Variants in ASTN2 observed in about 807,000 individuals in gnomAD.
ASTN2 encodes the protein astrotactin 2, also known as astrotactin-2.
ASTN2 carries 54 observed loss-of-function variants against 139.8 expected under a neutral mutation model. The ratio of observed to expected loss-of-function variants is 0.39; its 90% CI spans 0.31 to 0.48. ASTN2 has a LOEUF of 0.48. ASTN2 is among the 20% of genes least tolerant of loss of function. ASTN2 has a pLI of 0.95. For missense variants in ASTN2, 1,565 were observed against 1,725.1 expected (o/e 0.91, Z 1.64); for synonymous variants, 756 against 719.5 (o/e 1.05, Z -0.81).
Position 117,048,658 on chromosome 9 carries a change from A to G in ASTN2, c.1277-8693T>C, listed in dbSNP as rs373319835. 7.2e-5 allele frequency among the ~76,000 whole-genome samples: 11 copies of G among 152,344 alleles called. No individual in the cohort carries two copies. In the East Asian group the frequency reaches 2.1e-3, roughly 29 times the overall value. ...CAATGGTGTTAGAGATGAAGATGAT[A>G]GAGATGGTACCGTATTATTTTAGCT... On this transcript the variant is annotated intron_variant, in intron 5 of 22. Coordinates refer to ENST00000313400, the MANE Select transcript of ASTN2 (RefSeq NM_001365068.1).
intron 5 of ASTN2, among the ~76,000 whole-genome samples, chr9:117,053,660 C>A (rs1044841533): frequency 6.6e-6 from 1 of 152,090 alleles, no homozygotes; most frequent in African/African-American, 2.4e-5. Flanking sequence ...AGGGCCCTTG[C>A]AGGTTTAAGC....
Position 116,975,268 on chromosome 9 carries a change from A to C in ASTN2, c.1829T>G (p.Ile610Ser). The stretch of plus-strand genomic sequence containing the variant: ...GGTCTTGCAGCTGGCCAGGGGGTTG[A>C]TGGACAGCTCCACAGGCGGAACCAC... Reference protein sequence around the residue: ...SFVVPPVELSINPLASCKTDV... With the variant: ...SFVVPPVELSSNPLASCKTDV... The change falls in exon 10 of 23, where the codon ATC becomes AGC. Residue 610 changes from isoleucine (I) to serine (S), a missense_variant. By Grantham distance (142) the Ile-to-Ser change is moderately radical. Transcript: ENST00000313400. 6.2e-7 allele frequency: 1 copy of C among 1,613,504 alleles called. No individual in the cohort carries two copies.
chr9:116,962,744 C>T (rs185021508), intron 10 of ASTN2, among the ~76,000 whole-genome samples: 6 of 151,932 alleles, frequency 3.9e-5, no homozygotes, highest in East Asian at 1.9e-4. Flanking sequence ...TATTTGGAAC[C>T]GCGAGATAAT....
intron 20 of ASTN2, among the ~76,000 whole-genome samples, chr9:116,445,545 G>C (rs1281168481): frequency 6.6e-6 from 1 of 152,166 alleles, no homozygotes; most frequent in Non-Finnish European, 1.5e-5. Context: ...AGAGGGCCCA[G>C]GGTCATCTCG....
In ASTN2 at chr9:116,871,797, A is replaced by G. The variant is rs145247445; in HGVS notation, c.1890-8064T>C. 6.6e-5 allele frequency among the ~76,000 whole-genome samples: 10 copies of G among 152,292 alleles called. No individual in the cohort carries two copies. The East Asian group carries it at 1.7e-3, about 26-fold the overall frequency. ...CATTCATACACAGGTTTTTATGTAG[A>G]TACATGTTTTCATATATTTTGTGGC... is the stretch of plus-strand genomic sequence containing the variant. On this transcript the variant is annotated intron_variant, in intron 10 of 22. Transcript: ENST00000313400.
intron 2 of ASTN2, among the ~76,000 whole-genome samples, chr9:117,221,412 A>G (rs1208471520): frequency 2.6e-5 from 4 of 152,238 alleles, no homozygotes; most frequent in African/African-American, 9.6e-5. Flanking sequence ...AAGGAAAGAA[A>G]GGGATAATAT....
chr9:116,986,169 C>T (rs561097957), intron 7 of ASTN2, among the ~76,000 whole-genome samples: 2 of 139,346 alleles, frequency 1.4e-5, no homozygotes, highest in Non-Finnish European at 3.1e-5. Context: ...TGCCCCCCCC[C>T]ACCCCCCTGC....
intron 5 of ASTN2, among the ~76,000 whole-genome samples, chr9:117,052,840 A>C (rs544886504): frequency 9.7e-4 from 148 of 152,368 alleles, no homozygotes; most frequent in African/African-American, 3.4e-3. Flanking sequence ...TAAGCTGTAG[A>C]GCTGGTCATG....
intron 2 of ASTN2, among the ~76,000 whole-genome samples, chr9:117,234,638 C>T (rs1035131720): frequency 7.2e-5 from 11 of 152,176 alleles, no homozygotes; most frequent in South Asian, 4.1e-4. Flanking sequence ...AAAAGAGGCG[C>T]TGCTCCAGTC....
chr9:116,885,375 T>A (rs1334077771), intron 10 of ASTN2, among the ~76,000 whole-genome samples: 3 of 152,046 alleles, frequency 2.0e-5, no homozygotes, highest in African/African-American at 7.2e-5. Flanking sequence ...AGACCTTATC[T>A]CAACGGAGCA....
intron 13 of ASTN2, among the ~76,000 whole-genome samples, chr9:116,770,010 G>A (rs1829914219): frequency 6.6e-6 from 1 of 151,102 alleles, no homozygotes; most frequent in South Asian, 2.1e-4. Context: ...GGGAAACACA[G>A]CAAGACCTTG....
chr9:116,739,441 C>T (rs1390704954), intron 13 of ASTN2, among the ~76,000 whole-genome samples: 1 of 152,160 alleles, frequency 6.6e-6, no homozygotes, highest in Non-Finnish European at 1.5e-5. Context: ...TCCCATCCTA[C>T]ACAAGGACCC....
chr9:116,672,000 C>T (rs975082987), intron 16 of ASTN2, among the ~76,000 whole-genome samples: 7 of 151,988 alleles, frequency 4.6e-5, no homozygotes, highest in African/African-American at 1.2e-4. Context: ...TGTGTTGTTT[C>T]GAGTGGCAAA....
chr9:116,737,817 AG>A (rs1281895509), intron 13 of ASTN2, among the ~76,000 whole-genome samples: 4 of 152,204 alleles, frequency 2.6e-5, no homozygotes, highest in Admixed American at 2.6e-4. Flanking sequence ...CTGTGAACTA[AG>A]CTATAAGGAT....
chr9:116,794,659 C>T (rs1056331383), intron 13 of ASTN2, among the ~76,000 whole-genome samples: 26 of 152,124 alleles, frequency 1.7e-4, no homozygotes, highest in Non-Finnish European at 7.4e-5. Flanking sequence ...TCATGTAAAG[C>T]GTATGAGCAT....
At chr9:117,308,055 T>C (rs2130810075) in intron 1 of ASTN2, among the ~76,000 whole-genome samples, 1 of 152,272 alleles carries the variant, frequency 6.6e-6, no homozygotes, top group Admixed American at 6.5e-5. Context: ...CTCAGCCTGG[T>C]GTCCTTGAAA....
chr9:116,907,348 G>T (rs1834189573), intron 10 of ASTN2, among the ~76,000 whole-genome samples: 1 of 152,192 alleles, frequency 6.6e-6, no homozygotes, highest in African/African-American at 2.4e-5. Flanking sequence ...AGACACCTCA[G>T]TTTTCAGTAC....
intron 1 of ASTN2, among the ~76,000 whole-genome samples, chr9:117,345,702 G>A (rs1829193745): frequency 6.6e-6 from 1 of 152,128 alleles, no homozygotes; most frequent in Non-Finnish European, 1.5e-5. Context: ...TGAGGCAAAG[G>A]GCTTCTCTGG....
At chr9:117,340,110 T>C (rs919263608) in intron 1 of ASTN2, among the ~76,000 whole-genome samples, 4 of 151,398 alleles carry the variant, frequency 2.6e-5, no homozygotes, top group Non-Finnish European at 1.5e-5. Context: ...ACAGAAAGTG[T>C]CATGAAGCAT....
Sources: allele counts gnomAD v4.1 joint callset (sites outside exome capture counted in the v4.1 genomes callset), GRCh38; gene constraint gnomAD v4.1.1; transcripts MANE v1.5; gene names NCBI Gene and HGNC (gene_info 2026-07-23, HGNC 2026-07-21).